Variants in ERCC6 observed in about 807,000 individuals in gnomAD.
ERCC6 encodes the protein DNA excision repair protein ERCC-6.
ERCC6 carries 116 observed loss-of-function variants against 158.7 expected under a neutral mutation model. The ratio of observed to expected loss-of-function variants is 0.73; its 90% CI spans 0.63 to 0.85. ERCC6 has a LOEUF of 0.85. Ranked by LOEUF, ERCC6 falls within the 40% of genes least tolerant of loss-of-function variation. The probability of loss-of-function intolerance (pLI) is 0.00; values close to 1 mark genes in which losing one functional copy is unlikely to be tolerated. For synonymous variants in ERCC6, 678 were observed against 659.3 expected (o/e 1.03, Z -0.43); for missense variants, 1,698 against 1,799.4 (o/e 0.94, Z 1.02).
Position 49,474,063 on chromosome 10 carries a change from C to T in ERCC6, c.2562G>A (p.Gln854=). ...VESLLKIWHK[Q]GQRVLLFSQS... ...GAGAAAACAGCAATACTCGCTGACCCTGCTTGTGCCATATTTTCAACAAAG... is the reference window on the plus strand; with the variant it reads ...GAGAAAACAGCAATACTCGCTGACCTTGCTTGTGCCATATTTTCAACAAAG... Residue 854 remains glutamine (Q), a synonymous_variant, in exon 13 of 21, where the codon CAG becomes CAA. Transcript: ENST00000355832. 1 of 1,614,118 alleles carries T rather than the reference C, an allele frequency of 6.2e-7. No homozygotes were observed. The highest frequency in any genetic ancestry group is 8.5e-7 in the Non-Finnish European group (1 of 1,180,028).
chr10:49,533,460 A>G (rs896333430), intron 1 of ERCC6, among the ~76,000 whole-genome samples: 7 of 152,212 alleles, frequency 4.6e-5, no homozygotes, highest in Admixed American at 3.3e-4. Context: ...CTATCCAGTA[A>G]ATAGGAGCTT....
At chr10:49,500,829 G>C (rs1564430303) in intron 6 of ERCC6, 133 bp from the exon 7 acceptor site, 5 of 884,396 alleles carry the variant, frequency 5.7e-6, no homozygotes, top group African/African-American at 1.6e-5. Context: ...CGGGATGTGT[G>C]TTTTACATGA....
rs187362525 is a variant in ERCC6, at chr10:49,466,367, T to C, written c.3778+3815A>G. Among the ~76,000 whole-genome samples the C allele has an allele frequency of 1.2e-3, 176 of 152,272 alleles. 1 individual carries two copies. The highest frequency in any genetic ancestry group is 2.0e-3 in the Admixed American group (31 of 15,288). ...TAGGATTGACAAGTAACTCAGTACG[T>C]TGTGAATGAAGGTCTTGAAGAAGGA... On this transcript the variant is annotated intron_variant, in intron 18 of 20. Transcript: ENST00000355832.
rs966819122 is a variant in ERCC6, at chr10:49,483,636, C to T, written c.1822-120G>A. 3.1e-6 allele frequency: 3 copies of T among 967,660 alleles called. No individual in the cohort carries two copies. The Middle Eastern group carries it at 9.2e-4, about 298-fold the overall frequency. The allele number at this position is 967,660 out of a possible 1,614,324, so 59.9% of individuals were successfully genotyped here. ...AATACAAACATAACATGCACAATCACAGACATTATCAGCACTGGAAGTGTA... is the reference window on the plus strand; with the variant it reads ...AATACAAACATAACATGCACAATCATAGACATTATCAGCACTGGAAGTGTA... On this transcript the variant is annotated intron_variant, in intron 8 of 20. Coordinates refer to ENST00000355832, the MANE Select transcript of ERCC6 (RefSeq NM_000124.4).
chr10:49,493,234 T>C lies in ERCC6; in HGVS notation c.1704A>G (p.Pro568=), dbSNP rs754429403. 6.2e-7 allele frequency: 1 copy of C among 1,614,134 alleles called. No homozygotes were observed. Among genetic ancestry groups the C allele is most frequent in the South Asian group, 1.1e-5 (1 of 91,084 alleles). The change falls in exon 8 of 21, where the codon CCA becomes CCG. Residue 568 remains proline, a synonymous_variant. Coordinates refer to ENST00000355832, the MANE Select transcript of ERCC6 (RefSeq NM_000124.4). ...GSNYRFEGLG[P]TVIVCPTTVM... ...CTGTTGTTGGACAGACAATTACAGT[T>C]GGACCCAACCCCTCAAACCTGCATC...
rs199560976 is a variant in ERCC6, at chr10:49,516,632, G to C, written c.1397+7401C>G. On this transcript the variant is annotated intron_variant, in intron 5 of 20. Coordinates refer to ENST00000355832, the MANE Select transcript of ERCC6 (RefSeq NM_000124.4). ...CTTTACTGCAAGCATATAAGTTGGA[G>C]TACTTGACAATGAGTTCAATGACCT... The C allele has an allele frequency of 3.8e-5, 61 of 1,614,060 alleles. No individual in the cohort carries two copies. Among genetic ancestry groups the C allele is most frequent in the Non-Finnish European group, 5.9e-6 (7 of 1,180,044 alleles).
chr10:49,490,076 G>A (rs767992654), intron 8 of ERCC6, among the ~76,000 whole-genome samples: 21 of 152,114 alleles, frequency 1.4e-4, no homozygotes, highest in Non-Finnish European at 2.5e-4. Context: ...TATTAAATGC[G>A]ATTTCAAGTG....
At chr10:49,537,094 C>G (rs896690509) in intron 1 of ERCC6, among the ~76,000 whole-genome samples, 4 of 151,976 alleles carry the variant, frequency 2.6e-5, no homozygotes, top group African/African-American at 9.7e-5. Flanking sequence ...GCCTGTAATC[C>G]CAGCACTTTG....
chr10:49,483,317 G>A, intron 9 of ERCC6, 29 bp downstream of exon 9: 5 of 1,610,668 alleles, frequency 3.1e-6, no homozygotes, highest in Non-Finnish European at 4.2e-6. Context: ...TCTCCACTTG[G>A]AAATCTCCCT....
the ERCC6 span, among the ~76,000 whole-genome samples, chr10:49,437,831 G>A: frequency 6.6e-6 from 1 of 152,104 alleles, no homozygotes; most frequent in Admixed American, 6.5e-5. Flanking sequence ...GAAAAACATG[G>A]AAATAGTCTT....
chr10:49,483,211 A>G (rs1317159293), intron 9 of ERCC6, 135 bp downstream of exon 9: 4 of 948,326 alleles, frequency 4.2e-6, no homozygotes, highest in Non-Finnish European at 4.9e-6. Context: ...GCATTAAGGA[A>G]AATGCACATT....
At chr10:49,476,047 C>T (rs1050732340) in intron 12 of ERCC6, among the ~76,000 whole-genome samples, 168 bp downstream of exon 12, 8 of 152,218 alleles carry the variant, frequency 5.3e-5, no homozygotes, top group African/African-American at 1.4e-4. Context: ...CTGCACCTTA[C>T]GGCTCCAGGC....
intron 18 of ERCC6, among the ~76,000 whole-genome samples, chr10:49,466,781 T>G (rs1850683003): frequency 6.6e-6 from 1 of 152,172 alleles, no homozygotes; most frequent in Admixed American, 6.5e-5. Context: ...TTCCTTTTAT[T>G]GTTGATTAGT....
rs566705367 is a variant in ERCC6 at position 49,487,034 on chromosome 10, G to A, written c.1822-3518C>T. 7.3e-4 allele frequency among the ~76,000 whole-genome samples: 111 copies of A among 152,306 alleles called. 1 individual carries two copies. Among genetic ancestry groups the A allele is most frequent in the African/African-American group, 2.6e-3 (108 of 41,590 alleles). Reference sequence around the variant, plus strand: ...TATCAGGAAGCCTAATATAATTCATGTAATCACAATCATCTAATACAAATT... The same window carrying A: ...TATCAGGAAGCCTAATATAATTCATATAATCACAATCATCTAATACAAATT... On this transcript the variant is annotated intron_variant, in intron 8 of 20. Coordinates refer to ENST00000355832, the MANE Select transcript of ERCC6 (RefSeq NM_000124.4).
At position 49,473,569 on chromosome 10, in the gene ERCC6, C is replaced by A. The variant is rs534095433; in HGVS notation, c.2617G>T (p.Val873Leu). 7 of 1,607,082 alleles carry A rather than the reference C, an allele frequency of 4.4e-6. No homozygotes were observed. Among genetic ancestry groups the A allele is most frequent in the Non-Finnish European group, 5.1e-6 (6 of 1,173,550 alleles). The change falls in exon 14 of 21, where the codon GTA (valine) becomes TTA (leucine). Residue 873 changes from valine (V) to leucine (L), a missense_variant. By Grantham distance (32) the Val-to-Leu change is conservative. Transcript: ENST00000355832. ...QSRQMLDILE[V>L]FLRAQKYTYL... Reference sequence around the variant, plus strand: ...GTATACTTTTGGGCTCTAAGGAATACTTCAAGTATGTCCAGCATCTGTTTG... The same window carrying A: ...GTATACTTTTGGGCTCTAAGGAATAATTCAAGTATGTCCAGCATCTGTTTG...
chr10:49,462,971 C>G (rs1817956700), intron 18 of ERCC6, among the ~76,000 whole-genome samples: 1 of 152,142 alleles, frequency 6.6e-6, no homozygotes, highest in South Asian at 2.1e-4. Flanking sequence ...CTTGTATAAG[C>G]ACAGGATTAT....
Position 49,528,798 on chromosome 10 carries a change from G to A in ERCC6, c.544-273C>T, listed in dbSNP as rs911709113. On this transcript the variant is annotated intron_variant, in intron 3 of 20. Transcript: ENST00000355832. Reference sequence around the variant, plus strand: ...ACGGCAGACTGCCTTCTATGTGCCCGAGCCCTTAAATACATGGGCACTGAC... The same window carrying A: ...ACGGCAGACTGCCTTCTATGTGCCCAAGCCCTTAAATACATGGGCACTGAC... Among the ~76,000 whole-genome samples, 25 of 152,046 alleles carry A rather than the reference G, an allele frequency of 1.6e-4. No homozygotes were observed. The East Asian group carries it at 2.1e-3, about 13-fold the overall frequency.
At chr10:49,466,205 A>G (rs1456982645) in intron 18 of ERCC6, among the ~76,000 whole-genome samples, 2 of 152,244 alleles carry the variant, frequency 1.3e-5, no homozygotes, top group Admixed American at 6.5e-5. Context: ...CCAAAAACTT[A>G]GACTAAAGAC....
chr10:49,511,145 AG>A (rs1564434009), intron 5 of ERCC6, among the ~76,000 whole-genome samples: 1 of 152,168 alleles, frequency 6.6e-6, no homozygotes, highest in Non-Finnish European at 1.5e-5. Flanking sequence ...CTCCTCTGTA[AG>A]GAGCCTGGTT....
Sources: allele counts gnomAD v4.1 joint callset (sites outside exome capture counted in the v4.1 genomes callset), GRCh38; gene constraint gnomAD v4.1.1; transcripts MANE v1.5; gene names NCBI Gene and HGNC (gene_info 2026-07-23, HGNC 2026-07-21).